PPEF1: variants seen among roughly 807,000 people sequenced by gnomAD.
The protein encoded by PPEF1 is protein phosphatase with EF-hand domain 1, also known as serine/threonine-protein phosphatase with EF-hands 1.
Under a neutral mutation model 53.3 loss-of-function variants are expected in PPEF1, and 12 were observed. The ratio of observed to expected loss-of-function variants is 0.23; its 90% CI spans 0.14 to 0.36. The LOEUF (loss-of-function observed/expected upper bound fraction) is 0.36. Among genes scored for constraint, PPEF1 ranks in the 10% least tolerant of loss-of-function variants. The pLI, the probability that PPEF1 is intolerant of heterozygous loss-of-function variation, is 1.00. For synonymous variants in PPEF1, 165 were observed against 176.7 expected, an observed-to-expected ratio of 0.93 and a Z score of 0.52; for missense variants, 334 against 490.4, an observed-to-expected ratio of 0.68 and a Z score of 3.01.
intron 6 of PPEF1, 41 bp from the exon 7 acceptor site, chrX:18,778,969 T>C: frequency 9.1e-7 from 1 of 1,101,422 alleles, no homozygotes; most frequent in Non-Finnish European, 1.2e-6. Flanking sequence ...AAAAGTATAT[T>C]CTTTTAATTC....
At chrX:18,797,689 A>G in intron 10 of PPEF1, among the ~76,000 whole-genome samples, 1 of 110,251 alleles carries the variant, frequency 9.1e-6, no homozygotes, top group African/African-American at 3.3e-5. Context: ...ATCTTAAGTG[A>G]TATGTTCTTT....
At chrX:18,678,154 G>A (rs1200776694), upstream of PPEF1, among the ~76,000 whole-genome samples, 1 of 99,747 alleles carries the variant, frequency 1.0e-5, no homozygotes, top group Admixed American at 1.1e-4. Context: ...AAAAAAGCCG[G>A]GTGCGATGGC....
At chrX:18,681,489 T>C (rs999719785), upstream of PPEF1, among the ~76,000 whole-genome samples, 4 of 111,332 alleles carry the variant, frequency 3.6e-5, no homozygotes, top group African/African-American at 1.3e-4. Flanking sequence ...GCCAGGGCAA[T>C]GAGTTCCAGT....
intron 2 of PPEF1, among the ~76,000 whole-genome samples, chrX:18,685,935 A>G: frequency 9.0e-6 from 1 of 111,050 alleles, no homozygotes; most frequent in Admixed American, 9.6e-5. Flanking sequence ...CTTTCAGAAG[A>G]GAAATTTGAA....
chrX:18,762,574 CAT>C (rs200963533), intron 6 of PPEF1, among the ~76,000 whole-genome samples: 2,262 of 112,074 alleles, frequency 0.02, 55 homozygotes, highest in African/African-American at 0.069. Flanking sequence ...ATAGACAGAG[CAT>C]CCCCAAGGGC....
chrX:18,737,222 G>A lies in PPEF1; in HGVS notation c.235+3414G>A, dbSNP rs186665894. Reference sequence around the variant, plus strand: ...TAGTTCTTTTAATTGTGATGTTAGGGTGTCAATTTTATATCTTTCCTACTT... The same window carrying A: ...TAGTTCTTTTAATTGTGATGTTAGGATGTCAATTTTATATCTTTCCTACTT... On this transcript the variant is annotated intron_variant, in intron 3 of 15. Coordinates refer to ENST00000470157, the MANE Select transcript of PPEF1 (RefSeq NM_001377996.1). Among the ~76,000 whole-genome samples the A allele has an allele frequency of 8.3e-3, 927 of 111,748 alleles. 9 individuals are homozygous for A. The highest frequency in any genetic ancestry group is 0.029 in the African/African-American group (880 of 30,742).
chrX:18,763,088 A>G (rs1380567952), intron 6 of PPEF1, among the ~76,000 whole-genome samples: 1 of 112,062 alleles, frequency 8.9e-6, no homozygotes, highest in Non-Finnish European at 1.9e-5. Context: ...GTGTGCACTC[A>G]TCTAAAGACG....
In PPEF1 at chrX:18,780,156, T is replaced by C. The variant is rs544701999; in HGVS notation, c.725+980T>C. Among the ~76,000 whole-genome samples, 31 of 112,281 alleles carry C rather than the reference T, an allele frequency of 2.8e-4. No individual in the cohort carries two copies. The South Asian group carries it at 0.01, about 37-fold the overall frequency. ...GAAGGAGACGTGGCCCCTGCCCTCA[T>C]AGAGCTTACATCTAGCAGGGAAGAT... On this transcript the variant is annotated intron_variant, in intron 7 of 15. Transcript: ENST00000470157.
At chrX:18,799,136 T>C (rs1444721990) in intron 10 of PPEF1, among the ~76,000 whole-genome samples, 1 of 109,631 alleles carries the variant, frequency 9.1e-6, no homozygotes, top group East Asian at 2.9e-4. Flanking sequence ...CTCGGGAGAC[T>C]GAGGCAGAAT....
At chrX:18,806,658 A>G (rs903228227) in intron 12 of PPEF1, 113 bp downstream of exon 12, 13 of 755,973 alleles carry the variant, frequency 1.7e-5, no homozygotes, top group African/African-American at 8.5e-5. Context: ...TAGCTTACTC[A>G]TTAGTATCAA....
At chrX:18,685,904 C>G (rs781415377) in intron 2 of PPEF1, among the ~76,000 whole-genome samples, 22 of 111,318 alleles carry the variant, frequency 2.0e-4, no homozygotes, top group African/African-American at 6.8e-4. Flanking sequence ...AAAACACTTT[C>G]AACTGGCTGA....
chrX:18,719,869 G>T (rs2044541982), intron 1 of PPEF1, among the ~76,000 whole-genome samples: 1 of 112,048 alleles, frequency 8.9e-6, no homozygotes, highest in Non-Finnish European at 1.9e-5. Flanking sequence ...AGAACAGAAT[G>T]TATACACAGT....
rs1267622381 is a variant in PPEF1, at chrX:18,827,750, G to T, written c.*263G>T. ...GTGAGAAACTGGGTTGGACCTAGTGGTGTTGTCGTGAGTGCCACCTAACCA... is the reference window on the plus strand; with the variant it reads ...GTGAGAAACTGGGTTGGACCTAGTGTTGTTGTCGTGAGTGCCACCTAACCA... On this transcript the variant is annotated 3_prime_UTR_variant, in exon 16 of 16. Transcript: ENST00000470157. 1 of 303,258 alleles carries T rather than the reference G, an allele frequency of 3.3e-6. No individual in the cohort carries two copies. Among genetic ancestry groups the T allele is most frequent in the Non-Finnish European group, 5.7e-6 (1 of 174,046 alleles). The allele number at this position is 303,258 out of a possible 1,213,427, so 25.0% of individuals were successfully genotyped here.
chrX:18,783,429 A>T (rs1327537688), intron 8 of PPEF1, among the ~76,000 whole-genome samples: 2 of 110,980 alleles, frequency 1.8e-5, no homozygotes, highest in East Asian at 5.7e-4. Context: ...AAAAATACAG[A>T]ATAAAGGGCC....
At chrX:18,690,361 T>G (rs1216314722) in intron 3 of PPEF1, among the ~76,000 whole-genome samples, 2 of 90,959 alleles carry the variant, frequency 2.2e-5, no homozygotes, top group Middle Eastern at 4.9e-3. Context: ...AGGACTTGTT[T>G]TTTTTTTTTT....
chrX:18,789,723 C>T (rs888614057), intron 10 of PPEF1, among the ~76,000 whole-genome samples: 15 of 112,521 alleles, frequency 1.3e-4, no homozygotes, highest in African/African-American at 4.5e-4. Context: ...TTCTTTCACT[C>T]AGCACAATGT....
intron 3 of PPEF1, among the ~76,000 whole-genome samples, chrX:18,741,762 G>A (rs190429989): frequency 0.018 from 1,758 of 99,832 alleles, 44 homozygotes; most frequent in African/African-American, 0.064. Flanking sequence ...TTTGAGTCTG[G>A]CTGCTGCTTC....
intron 6 of PPEF1, chrX:18,700,499 C>T (rs1218871728): frequency 2.7e-5 from 3 of 109,536 alleles, no homozygotes; most frequent in Admixed American, 9.9e-5. Flanking sequence ...AAACATATAT[C>T]GTGTGGCAAT....
intron 1 of PPEF1, among the ~76,000 whole-genome samples, chrX:18,722,007 G>A (rs1021254850): frequency 3.5e-4 from 39 of 112,203 alleles, no homozygotes; most frequent in African/African-American, 1.2e-3. Flanking sequence ...GCCTCATAAG[G>A]TGTCTGCCTT....
Sources: gnomAD v4.1 joint callset for allele counts (sites outside exome capture counted in the v4.1 genomes callset) on GRCh38, gnomAD v4.1.1 for gene constraint, MANE v1.5 for transcripts, NCBI Gene and HGNC (gene_info 2026-07-23, HGNC 2026-07-21) for gene names.